The following ANGPTL6 variants were observed in gnomAD, a reference collection of about 807,000 sequenced individuals.
The protein encoded by ANGPTL6 is angiopoietin like 6.
In ANGPTL6, 45 loss-of-function variants were observed where a neutral mutation model predicts 47.4. The ratio of observed to expected loss-of-function variants is 0.95; its 90% CI spans 0.75 to 1.22. The LOEUF is 1.22. ANGPTL6 is among the 50% of genes most tolerant of loss of function. The pLI, the probability that ANGPTL6 is intolerant of heterozygous loss-of-function variation, is 0.00. For synonymous variants in ANGPTL6, 290 were observed against 295.9 expected (o/e 0.98, Z 0.20); for missense variants, 698 against 669.4 (o/e 1.04, Z -0.47).
Position 10,096,327 on chromosome 19 carries a change from C to T in ANGPTL6, c.237G>A (p.Leu79=). ...CGCCGTCGGCCGCCGCCAGCCTCTG[C>T]AGCTCGCGTAACAGCTCCTCGTGGC... is the stretch of plus-strand genomic sequence containing the variant. ...VGRHEELLRE[L]QRLAAADGAV... is the part of the protein sequence containing the mutation. Residue 79 remains leucine (L), a synonymous_variant, in exon 2 of 6, where the codon CTG becomes CTA. Coordinates refer to ENST00000253109, the MANE Select transcript of ANGPTL6 (RefSeq NM_031917.3). 1.6e-6 allele frequency: 2 copies of T among 1,280,514 alleles called. No individual in the cohort carries two copies. Among genetic ancestry groups the T allele is most frequent in the Non-Finnish European group, 2.0e-6 (2 of 1,017,918 alleles). The allele number at this position is 1,280,514 out of a possible 1,614,324, so 79.3% of individuals were successfully genotyped here. A position where few individuals can be genotyped will look rare whatever the true frequency, so the allele number is the denominator to read the frequency against.
At position 10,094,678 on chromosome 19, in the gene ANGPTL6, A is replaced by G. The variant is rs1437908159; in HGVS notation, c.763+80T>C. On this transcript the variant is annotated intron_variant, in intron 3 of 5. Coordinates refer to ENST00000253109, the MANE Select transcript of ANGPTL6 (RefSeq NM_031917.3). ...GTATCATTTCTTCTGGTCTTCTCAC[A>G]ATGAGAGAAATCTGCCACTAAAATC... is the stretch of plus-strand genomic sequence containing the variant. The G allele has an allele frequency of 8.4e-6, 13 of 1,547,382 alleles. No homozygotes were observed. In the East Asian group the frequency reaches 2.9e-4, roughly 35 times the overall value.
At chr19:10,100,627 AC>A (rs1288061195) in intron 1 of ANGPTL6, among the ~76,000 whole-genome samples, 1 of 152,172 alleles carries the variant, frequency 6.6e-6, no homozygotes, top group African/African-American at 2.4e-5. Context: ...TCAACCACAG[AC>A]ACCTTGAGTG....
Position 10,096,171 on chromosome 19 carries a change from CTCCGCCCCCAGA to C in ANGPTL6, c.381_392del (p.Asp127_Ala130del), listed in dbSNP as rs943365130. On this transcript the variant is annotated inframe_deletion, in exon 2 of 6. Transcript: ENST00000253109. ...CGAGCAGCGCCAGCGCCGCGGCAGG[CTCCGCCCCCAGA>C]TCCGCCCCCGGGCCCGCCCCGGGCC... 6 of 1,299,432 alleles carry C rather than the reference CTCCGCCCCCAGA, an allele frequency of 4.6e-6. No individual in the cohort carries two copies. Among genetic ancestry groups the C allele is most frequent in the East Asian group, 3.1e-5 (1 of 31,874 alleles). The allele number at this position is 1,299,432 out of a possible 1,614,324, so 80.5% of individuals were successfully genotyped here.
intron 5 of ANGPTL6, 94 bp from the exon 6 acceptor site, chr19:10,092,873 C>T: frequency 9.6e-7 from 1 of 1,039,828 alleles, no homozygotes; most frequent in Non-Finnish European, 1.3e-6. Flanking sequence ...ATCCCCTGGC[C>T]CCTCCCATTC....
chr19:10,104,014 A>AC (rs1204601415), upstream of ANGPTL6, among the ~76,000 whole-genome samples: 2 of 140,750 alleles, frequency 1.4e-5, no homozygotes, highest in East Asian at 4.3e-4. Flanking sequence ...AATCGCTTGA[A>AC]CCCGGGGGGC....
At chr19:10,098,583 G>T (rs2088600989) in intron 1 of ANGPTL6, among the ~76,000 whole-genome samples, 1 of 152,114 alleles carries the variant, frequency 6.6e-6, no homozygotes, top group Non-Finnish European at 1.5e-5. Context: ...CCAGCAGTTT[G>T]GGAGGCCAAG....
chr19:10,094,172 A>G, intron 3 of ANGPTL6, among the ~76,000 whole-genome samples: 1 of 150,428 alleles, frequency 6.6e-6, no homozygotes. Context: ...TTTGAGATGG[A>G]GTCTCGCTCT....
intron 1 of ANGPTL6, among the ~76,000 whole-genome samples, chr19:10,100,007 G>C (rs1192986026): frequency 6.6e-6 from 1 of 150,404 alleles, no homozygotes. Context: ...TTACAGGCAT[G>C]CGCCACCACA....
In ANGPTL6 at chr19:10,092,736, G is replaced by A; in HGVS notation, c.1266C>T (p.Ala422=). Residue 422 remains alanine (A), a synonymous_variant, in exon 6 of 6, where the codon GCC becomes GCT. Transcript: ENST00000253109. ...LYQRGGWWYH[A]CAHSNLNGVW... ...CACCGTTGAGGTTGGAGTGGGCACA[G>A]GCATGGTACCACCAGCCTCCCCGCT... 1 of 1,612,118 alleles carries A rather than the reference G, an allele frequency of 6.2e-7. No individual in the cohort carries two copies. The highest frequency in any genetic ancestry group is 1.3e-5 in the African/African-American group (1 of 74,992).
chr19:10,096,576 G>C lies in ANGPTL6; in HGVS notation c.-10-3C>G. On this transcript the variant is annotated splice_polypyrimidine_tract_variant and splice_region_variant and intron_variant, in intron 1 of 5. Transcript: ENST00000253109. The stretch of plus-strand genomic sequence containing the variant: ...AGGGCTTCCCCATCGCGGCGGACCT[G>C]CAGGCAGAGGAGGAACGGAAGGAAG... 1 of 1,489,344 alleles carries C rather than the reference G, an allele frequency of 6.7e-7. No homozygotes were observed. Among genetic ancestry groups the C allele is most frequent in the South Asian group, 1.2e-5 (1 of 80,674 alleles). The allele number at this position is 1,489,344 out of a possible 1,614,324, so 92.3% of individuals were successfully genotyped here. A position where few individuals can be genotyped will look rare whatever the true frequency, so the allele number is the denominator to read the frequency against.
At chr19:10,099,387 T>C (rs2088623169) in intron 1 of ANGPTL6, among the ~76,000 whole-genome samples, 1 of 151,864 alleles carries the variant, frequency 6.6e-6, no homozygotes, top group African/African-American at 2.4e-5. Flanking sequence ...CCATCCTGGC[T>C]AACACAGTGA....
chr19:10,105,313 C>T (rs1385169120), upstream of ANGPTL6, among the ~76,000 whole-genome samples: 1 of 152,126 alleles, frequency 6.6e-6, no homozygotes, highest in African/African-American at 2.4e-5. Context: ...CTTCATAAGT[C>T]ACAGAGAGGG....
chr19:10,104,972 G>A (rs2145192311), upstream of ANGPTL6, among the ~76,000 whole-genome samples: 1 of 152,324 alleles, frequency 6.6e-6, no homozygotes, highest in African/African-American at 2.4e-5. Flanking sequence ...CGGAACTGGG[G>A]GAAGTAACCA....
Position 10,096,051 on chromosome 19 carries a change from G to A in ANGPTL6, c.513C>T (p.Val171=), listed in dbSNP as rs753395570. 1 of 1,462,330 alleles carries A rather than the reference G, an allele frequency of 6.8e-7. No individual in the cohort carries two copies. Among genetic ancestry groups the A allele is most frequent in the South Asian group, 1.3e-5 (1 of 75,034 alleles). The allele number at this position is 1,462,330 out of a possible 1,614,324, so 90.6% of individuals were successfully genotyped here. ...GGGCGATGAGACTGCTCTGCTGGGT[G>A]ACGAGCTGCGCCAGCTCGCGGAACT... The part of the protein sequence containing the change: ...DVKFRELAQL[V]TQQSSLIARL... Residue 171 remains valine, a synonymous_variant, in exon 2 of 6, where the codon GTC becomes GTT. Coordinates refer to ENST00000253109, the MANE Select transcript of ANGPTL6 (RefSeq NM_031917.3).
rs571416425 is a variant in ANGPTL6 at position 10,102,595 on chromosome 19, C to T, written c.-38G>A. 4 of 984,408 alleles carry T rather than the reference C, an allele frequency of 4.1e-6. No individual in the cohort carries two copies. Among genetic ancestry groups the T allele is most frequent in the East Asian group, 1.1e-4 (1 of 8,820 alleles). 61.0% of individuals were successfully genotyped at this position (984,408 alleles called of 1,614,324 possible). A position where few individuals can be genotyped will look rare whatever the true frequency, so the allele number is the denominator to read the frequency against. ...CTGATGCCCAAGACCCTGAATCCAG[C>T]GAAGCTCACAGAACACACAAGAAGT... On this transcript the variant is annotated 5_prime_UTR_variant, in exon 1 of 6. Coordinates refer to ENST00000253109, the MANE Select transcript of ANGPTL6 (RefSeq NM_031917.3).
chr19:10,094,728 C>A, intron 3 of ANGPTL6, 30 bp downstream of exon 3: 1 of 1,614,032 alleles, frequency 6.2e-7, no homozygotes, highest in Non-Finnish European at 8.5e-7. Flanking sequence ...TTCCTCTACC[C>A]ACAATTCCTC....
chr19:10,103,046 C>T (rs1412228201), upstream of ANGPTL6, among the ~76,000 whole-genome samples: 2 of 151,816 alleles, frequency 1.3e-5, no homozygotes, highest in African/African-American at 2.4e-5. Context: ...ACACCTTTTA[C>T]GTATTTGATC....
chr19:10,103,866 G>A (rs1039846970), upstream of ANGPTL6, among the ~76,000 whole-genome samples: 11 of 150,908 alleles, frequency 7.3e-5, 1 homozygote, highest in Admixed American at 2.6e-4. Context: ...AGGCCAAGGT[G>A]GGCAGATCAC....
chr19:10,096,709 C>CAGCCGTGGGGGGAATG, intron 1 of ANGPTL6, 136 bp from the exon 2 acceptor site: 1 of 675,614 alleles, frequency 1.5e-6, no homozygotes, highest in Non-Finnish European at 2.3e-6. Flanking sequence ...TCATTCCCCC[C>CAGCCGTGGGGGGAATG]ACGGCTGGAG....
Sources: gnomAD v4.1 joint callset for allele counts (sites outside exome capture counted in the v4.1 genomes callset) on GRCh38, gnomAD v4.1.1 for gene constraint, MANE v1.5 for transcripts, NCBI Gene and HGNC (gene_info 2026-07-23, HGNC 2026-07-21) for gene names.